Variants in NCKAP5 observed in about 807,000 individuals in gnomAD.
The protein encoded by NCKAP5 is nck-associated protein 5.
A neutral mutation model predicts 167.0 loss-of-function variants in NCKAP5; 92 were observed. That is an observed-to-expected ratio of 0.55 (90% CI 0.47 to 0.66). NCKAP5 has a LOEUF of 0.66. NCKAP5 is among the 30% of genes least tolerant of loss of function. The pLI is 0.00. For missense variants in NCKAP5, 2,378 were observed against 2,315.0 expected (o/e 1.03, Z -0.56); for synonymous variants, 891 against 877.4 (o/e 1.02, Z -0.27).
At chr2:133,584,971 A>AAGGAAGGG in the NCKAP5 span, among the ~76,000 whole-genome samples, 6 of 149,978 alleles carry the variant, frequency 4.0e-5, no homozygotes, top group Non-Finnish European at 7.4e-5. Flanking sequence ...GGAAGGAAGG[A>AAGGAAGGG]AGGAAGGAAG....
chr2:133,560,046 C>T (rs1688049568), intron 1 of NCKAP5, among the ~76,000 whole-genome samples: 2 of 152,154 alleles, frequency 1.3e-5, no homozygotes. Flanking sequence ...GCCATGAATA[C>T]TGATTCTTGT....
intron 6 of NCKAP5, among the ~76,000 whole-genome samples, chr2:133,047,219 T>C (rs1343059167): frequency 6.6e-6 from 1 of 152,178 alleles, no homozygotes; most frequent in Non-Finnish European, 1.5e-5. Context: ...CCCAAGTCCC[T>C]TATTCAGGAC....
At chr2:133,057,120 G>C (rs6725363) in intron 6 of NCKAP5, among the ~76,000 whole-genome samples, 8,953 of 152,128 alleles carry the variant, frequency 0.059, 625 homozygotes, top group African/African-American at 0.17. Context: ...GCCCATATAA[G>C]ACAGCTAATT....
chr2:132,874,558 C>A (rs1224131507), intron 9 of NCKAP5, among the ~76,000 whole-genome samples: 1 of 152,192 alleles, frequency 6.6e-6, no homozygotes, highest in East Asian at 1.9e-4. Flanking sequence ...TCCACCCTTA[C>A]TTAAAATTCT....
At chr2:132,721,805 G>A (rs74627061) in intron 19 of NCKAP5, among the ~76,000 whole-genome samples, 251 of 152,312 alleles carry the variant, frequency 1.6e-3, no homozygotes, top group African/African-American at 5.9e-3. Context: ...GGTGTGCGAG[G>A]ACAGATCTCT....
chr2:133,479,201 A>T (rs1216898288), intron 3 of NCKAP5, among the ~76,000 whole-genome samples: 1 of 152,200 alleles, frequency 6.6e-6, no homozygotes, highest in African/African-American at 2.4e-5. Flanking sequence ...TGTTAAAAAG[A>T]AGTATAAGGC....
At chr2:132,891,646 T>C (rs899762203) in intron 8 of NCKAP5, among the ~76,000 whole-genome samples, 3 of 152,194 alleles carry the variant, frequency 2.0e-5, no homozygotes, top group Non-Finnish European at 2.9e-5. Flanking sequence ...AAAAAAACTG[T>C]GTGTGATTTG....
At chr2:133,223,601 C>T (rs1001396624) in intron 4 of NCKAP5, among the ~76,000 whole-genome samples, 1 of 152,162 alleles carries the variant, frequency 6.6e-6, no homozygotes, top group Non-Finnish European at 1.5e-5. Flanking sequence ...AGCCGCAACT[C>T]ATATGAAAGA....
the NCKAP5 span, among the ~76,000 whole-genome samples, chr2:133,668,458 T>C: frequency 2.0e-5 from 3 of 152,094 alleles, no homozygotes; most frequent in Non-Finnish European, 4.4e-5. Flanking sequence ...TTTCTTATTG[T>C]CCATCTTTTT....
the NCKAP5 span, among the ~76,000 whole-genome samples, chr2:133,659,485 AAGTT>A: frequency 1.1e-4 from 16 of 152,336 alleles, no homozygotes; most frequent in Admixed American, 9.8e-4. Context: ...ACAAAAGAAA[AAGTT>A]AGAGAAATTG....
chr2:133,271,033 C>T (rs1043470570), intron 4 of NCKAP5, among the ~76,000 whole-genome samples: 3 of 150,948 alleles, frequency 2.0e-5, no homozygotes, highest in Non-Finnish European at 2.9e-5. Flanking sequence ...CATTCTCCTG[C>T]CTCAGCCTCC....
At chr2:132,981,015 G>A (rs976543232) in intron 7 of NCKAP5, among the ~76,000 whole-genome samples, 1 of 152,192 alleles carries the variant, frequency 6.6e-6, no homozygotes, top group Non-Finnish European at 1.5e-5. Context: ...TTAATGGGGA[G>A]AAATGAGTTT....
At chr2:133,500,169 A>G (rs1184485255) in intron 3 of NCKAP5, among the ~76,000 whole-genome samples, 1 of 152,168 alleles carries the variant, frequency 6.6e-6, no homozygotes, top group African/African-American at 2.4e-5. Context: ...CAAGTGATCT[A>G]TTTGTTTGGA....
intron 3 of NCKAP5, among the ~76,000 whole-genome samples, chr2:133,318,174 A>G (rs922342343): frequency 3.3e-5 from 5 of 152,342 alleles, no homozygotes; most frequent in African/African-American, 1.2e-4. Context: ...TGCCTCAGTC[A>G]ATTGCCAATC....
At chr2:132,733,982 C>T (rs1460469697) in intron 16 of NCKAP5, among the ~76,000 whole-genome samples, 7 of 152,184 alleles carry the variant, frequency 4.6e-5, no homozygotes, top group Admixed American at 3.9e-4. Context: ...ATTTAACCAT[C>T]TCATATGCCA....
intron 5 of NCKAP5, among the ~76,000 whole-genome samples, chr2:133,167,687 T>C (rs774941887): frequency 6.6e-5 from 10 of 152,178 alleles, no homozygotes; most frequent in Non-Finnish European, 8.8e-5. Context: ...AGCTTCTAGT[T>C]CCAGCTTTGA....
intron 19 of NCKAP5, among the ~76,000 whole-genome samples, chr2:132,679,028 C>T (rs906775854): frequency 6.6e-5 from 10 of 152,072 alleles, no homozygotes; most frequent in African/African-American, 1.9e-4. Flanking sequence ...AACCCTAACA[C>T]CCCCTTCCCT....
chr2:133,365,545 G>T (rs143105549), intron 3 of NCKAP5, among the ~76,000 whole-genome samples: 1 of 143,568 alleles, frequency 7.0e-6, no homozygotes, highest in Non-Finnish European at 1.5e-5. Context: ...ACACACACAC[G>T]TATATATACA....
chr2:132,796,752 A>T, intron 11 of NCKAP5, 23 bp from the exon 12 acceptor site: 1 of 1,441,992 alleles, frequency 6.9e-7, no homozygotes, highest in Non-Finnish European at 9.7e-7. Flanking sequence ...AAGCAGAAAC[A>T]TTGAATAGCG....
Sources: gnomAD v4.1 joint callset for allele counts (sites outside exome capture counted in the v4.1 genomes callset) on GRCh38, gnomAD v4.1.1 for gene constraint, MANE v1.5 for transcripts, NCBI Gene and HGNC (gene_info 2026-07-23, HGNC 2026-07-21) for gene names.